USP6NL: variants seen among roughly 807,000 people sequenced by gnomAD.
The protein encoded by USP6NL is USP6 N-terminal-like protein.
Under a neutral mutation model 61.9 loss-of-function variants are expected in USP6NL, and 26 were observed. The observed-to-expected ratio is 0.42, with a 90% CI of 0.31 to 0.58. The LOEUF is 0.58. Ranked by LOEUF, USP6NL falls within the 20% of genes least tolerant of loss-of-function variation. USP6NL has a pLI of 0.16. For missense variants in USP6NL, 1,114 were observed against 1,034.3 expected (o/e 1.08, Z -1.06); for synonymous variants, 432 against 390.1 (o/e 1.11, Z -1.27).
At chr10:11,523,358 G>A (rs1276056627) in intron 4 of USP6NL, among the ~76,000 whole-genome samples, 2 of 152,168 alleles carry the variant, frequency 1.3e-5, no homozygotes, top group Non-Finnish European at 2.9e-5. Flanking sequence ...AAAAATCACT[G>A]GATCCACATT....
intron 2 of USP6NL, among the ~76,000 whole-genome samples, chr10:11,580,434 C>T (rs1189178299): frequency 6.6e-6 from 1 of 152,038 alleles, no homozygotes; most frequent in Non-Finnish European, 1.5e-5. Flanking sequence ...AGGATGTTTG[C>T]AATGTGTATT....
chr10:11,477,463 A>T (rs1833017656), intron 14 of USP6NL, among the ~76,000 whole-genome samples: 1 of 152,242 alleles, frequency 6.6e-6, no homozygotes, highest in Non-Finnish European at 1.5e-5. Context: ...CATTGACCTT[A>T]GAAGATAAAT....
At chr10:11,472,356 T>C (rs1423414294) in intron 14 of USP6NL, among the ~76,000 whole-genome samples, 1 of 152,222 alleles carries the variant, frequency 6.6e-6, no homozygotes, top group Non-Finnish European at 1.5e-5. Flanking sequence ...CACACTCAAC[T>C]ACAAGCCTCG....
intron 2 of USP6NL, among the ~76,000 whole-genome samples, chr10:11,582,776 T>C (rs11257182): frequency 0.016 from 2,460 of 152,136 alleles, 64 homozygotes; most frequent in African/African-American, 0.055. Flanking sequence ...CAGTGGACAC[T>C]ATCATAAACA....
chr10:11,503,427 A>G (rs1262647962), intron 6 of USP6NL, among the ~76,000 whole-genome samples: 2 of 152,184 alleles, frequency 1.3e-5, no homozygotes, highest in African/African-American at 4.8e-5. Flanking sequence ...TTAGGGAAAA[A>G]AACTCCATCA....
chr10:11,539,455 C>T (rs1186180450), intron 2 of USP6NL, among the ~76,000 whole-genome samples: 1 of 152,208 alleles, frequency 6.6e-6, no homozygotes, highest in African/African-American at 2.4e-5. Flanking sequence ...CTAGTAACTC[C>T]TACATTTATG....
At chr10:11,572,432 CT>C (rs1837396673) in intron 2 of USP6NL, among the ~76,000 whole-genome samples, 1 of 151,820 alleles carries the variant, frequency 6.6e-6, no homozygotes, top group South Asian at 2.1e-4. Context: ...AGTCTCTCTG[CT>C]TTTTGAGATG....
At chr10:11,544,724 C>T (rs966369070) in intron 2 of USP6NL, among the ~76,000 whole-genome samples, 3 of 151,992 alleles carry the variant, frequency 2.0e-5, no homozygotes, top group South Asian at 2.1e-4. Flanking sequence ...CCTTACCTCA[C>T]GTGATCCACC....
intron 2 of USP6NL, among the ~76,000 whole-genome samples, chr10:11,551,538 CT>C (rs1469278569): frequency 6.6e-6 from 1 of 152,168 alleles, no homozygotes; most frequent in Admixed American, 6.5e-5. Context: ...CAAGAATTAT[CT>C]AGTTTAATCG....
rs533011823 is a variant in USP6NL, at chr10:11,487,351, T to G, written c.665-1440A>C. On this transcript the variant is annotated intron_variant, in intron 10 of 14. Coordinates refer to ENST00000609104, the MANE Select transcript of USP6NL (RefSeq NM_014688.5). The surrounding 1 kb of genome is among the most constrained non-coding windows in gnomAD (Gnocchi z 4.2). ...AGACATAGAAACAAACATCTCTAAG[T>G]ATAAACTGACCCTTAATAATGAGCC... is the stretch of plus-strand genomic sequence containing the variant. 5.0e-4 allele frequency among the ~76,000 whole-genome samples: 76 copies of G among 152,342 alleles called. No individual in the cohort carries two copies. Among genetic ancestry groups the G allele is most frequent in the South Asian group, 1.4e-3 (7 of 4,832 alleles).
intron 2 of USP6NL, among the ~76,000 whole-genome samples, chr10:11,535,479 G>A (rs140887790): frequency 9.8e-4 from 149 of 152,296 alleles, no homozygotes; most frequent in Non-Finnish European, 7.3e-4. Flanking sequence ...CTGAAAAAAT[G>A]AGGAAGCAAA....
chr10:11,550,430 G>GT (rs1199642924), intron 2 of USP6NL, among the ~76,000 whole-genome samples: 1 of 152,128 alleles, frequency 6.6e-6, no homozygotes, highest in African/African-American at 2.4e-5. Context: ...CAAGCAGCCT[G>GT]TTTTTTGTTT....
At chr10:11,514,018 T>C (rs532435942) in intron 5 of USP6NL, among the ~76,000 whole-genome samples, 2 of 152,348 alleles carry the variant, frequency 1.3e-5, no homozygotes, top group South Asian at 4.1e-4. Flanking sequence ...TCACATCAGA[T>C]GCACACGATG....
chr10:11,544,062 C>A (rs139516680), intron 2 of USP6NL, among the ~76,000 whole-genome samples: 2 of 152,050 alleles, frequency 1.3e-5, no homozygotes, highest in Non-Finnish European at 2.9e-5. Flanking sequence ...CCACCTGCCT[C>A]GGCCTCCCAA....
chr10:11,551,531 G>A (rs1386840810), intron 2 of USP6NL, among the ~76,000 whole-genome samples: 1 of 152,210 alleles, frequency 6.6e-6, no homozygotes, highest in African/African-American at 2.4e-5. Flanking sequence ...GAATGAACAA[G>A]AATTATCTAG....
intron 2 of USP6NL, among the ~76,000 whole-genome samples, chr10:11,538,345 T>G (rs1415259597): frequency 6.6e-6 from 1 of 152,184 alleles, no homozygotes; most frequent in Non-Finnish European, 1.5e-5. Flanking sequence ...CCACTGCTGC[T>G]TCTGACCTAC....
chr10:11,606,056 G>C (rs894415365), intron 1 of USP6NL, among the ~76,000 whole-genome samples: 1 of 151,954 alleles, frequency 6.6e-6, no homozygotes, highest in African/African-American at 2.4e-5. Context: ...AAGAGGGAGA[G>C]GAGGAGGAAA....
intron 2 of USP6NL, chr10:11,573,457 C>T (rs368652090): frequency 1.0e-5 from 4 of 391,494 alleles, no homozygotes; most frequent in South Asian, 1.4e-4. Context: ...TATGCCATTA[C>T]CTGATCCTTT....
At chr10:11,554,966 A>ATTTTTTTTTTTTTTTTTTTTTT (rs764342021) in intron 2 of USP6NL, among the ~76,000 whole-genome samples, 17 of 111,842 alleles carry the variant, frequency 1.5e-4, no homozygotes, top group South Asian at 9.0e-4. Context: ...TGCCCGGCTA[A>ATTTTTTTTTTTTTTTTTTTTTT]TTTTTTTTTT....
Sources: allele counts gnomAD v4.1 joint callset (sites outside exome capture counted in the v4.1 genomes callset), GRCh38; gene constraint gnomAD v4.1.1; non-coding constraint Gnocchi (gnomAD v3.1); transcripts MANE v1.5; gene names NCBI Gene and HGNC (gene_info 2026-07-23, HGNC 2026-07-21).